Variants in RFX7 observed in about 807,000 individuals in gnomAD.
RFX7 encodes regulatory factor X7, also known as DNA-binding protein RFX7.
In RFX7, 26 loss-of-function variants were observed where a neutral mutation model predicts 111.8. The ratio of observed to expected loss-of-function variants is 0.23; its 90% confidence interval spans 0.17 to 0.32. RFX7 has a LOEUF of 0.32. Ranked by LOEUF, RFX7 falls within the 10% of genes least tolerant of loss-of-function variation. The pLI is 1.00. For missense variants in RFX7, 1,573 were observed against 1,772.9 expected, an observed-to-expected ratio of 0.89 and a Z score of 2.02; for synonymous variants, 624 against 624.4, an observed-to-expected ratio of 1.00 and a Z score of 0.01.
chr15:56,203,545 C>T (rs1250339179), intron 2 of RFX7, among the ~76,000 whole-genome samples: 1 of 152,130 alleles, frequency 6.6e-6, no homozygotes, highest in African/African-American at 2.4e-5. Flanking sequence ...GGGCTGCATT[C>T]CCAGACATTA....
intron 5 of RFX7, among the ~76,000 whole-genome samples, chr15:56,106,956 A>G (rs1309136552): frequency 2.0e-5 from 3 of 152,148 alleles, no homozygotes; most frequent in Non-Finnish European, 1.5e-5. Flanking sequence ...CAAGACTCAA[A>G]AAAGGGTGAG....
chr15:56,206,715 G>A (rs1234173283), intron 2 of RFX7, among the ~76,000 whole-genome samples: 25 of 151,704 alleles, frequency 1.6e-4, no homozygotes, highest in African/African-American at 6.1e-4. Context: ...GGAACTAGAG[G>A]TCATTATTTT....
At position 56,095,906 on chromosome 15, in the gene RFX7, C is replaced by T. The variant is rs1422624570; in HGVS notation, c.1822G>A (p.Glu608Lys). ...CCTGTTGACGTGCCTGGCAGCATTT[C>T]ATTACAGCGACTTTTACATTTGGTC... Reference protein sequence around the residue: ...QRTKCKSRCNEMLPGTSTGNN... With the variant: ...QRTKCKSRCNKMLPGTSTGNN... The change falls in exon 10 of 10, where the codon GAA becomes AAA. Residue 608 changes from glutamate to lysine, a missense_variant. Coordinates refer to ENST00000559447, the MANE Select transcript of RFX7 (RefSeq NM_022841.7). 6.2e-7 allele frequency: 1 copy of T among 1,605,388 alleles called. No individual in the cohort carries two copies. The highest frequency in any genetic ancestry group is 8.5e-7 in the Non-Finnish European group (1 of 1,179,810).
chr15:56,124,621 A>G (rs958491642), intron 5 of RFX7, among the ~76,000 whole-genome samples: 1 of 152,058 alleles, frequency 6.6e-6, no homozygotes, highest in Admixed American at 6.5e-5. Context: ...GATGTTGAGC[A>G]TTTTTCCACG....
chr15:56,150,097 T>C (rs910875109), intron 3 of RFX7, among the ~76,000 whole-genome samples: 20 of 152,228 alleles, frequency 1.3e-4, no homozygotes, highest in African/African-American at 4.8e-4. Flanking sequence ...AGCCACAGGA[T>C]AAACAAAGCT....
intron 3 of RFX7, among the ~76,000 whole-genome samples, chr15:56,152,742 C>CA (rs878893842): frequency 0.04 from 4,712 of 116,602 alleles, 254 homozygotes; most frequent in African/African-American, 0.14. Context: ...AAAAACCCTT[C>CA]AAAAAAAAAA....
intron 2 of RFX7, among the ~76,000 whole-genome samples, chr15:56,230,657 C>T (rs1228004333): frequency 2.0e-5 from 3 of 152,234 alleles, no homozygotes; most frequent in Non-Finnish European, 4.4e-5. Flanking sequence ...TTTATTAGAA[C>T]AGCACTGGAA....
Position 56,162,448 on chromosome 15 carries a change from A to T in RFX7, c.195+16822T>A, listed in dbSNP as rs572079991. ...ATTATGTCATTCTTTGAATATAAAC[A>T]TATTAATGAAAATTGCATTTCTTTC... On this transcript the variant is annotated intron_variant, in intron 3 of 9. Transcript: ENST00000559447. Among the ~76,000 whole-genome samples, 7 of 152,244 alleles carry T rather than the reference A, an allele frequency of 4.6e-5. No individual in the cohort carries two copies. In the East Asian group the frequency reaches 1.2e-3, roughly 25 times the overall value.
At chr15:56,128,743 A>G (rs2042176360) in intron 5 of RFX7, among the ~76,000 whole-genome samples, 1 of 152,174 alleles carries the variant, frequency 6.6e-6, no homozygotes, top group Non-Finnish European at 1.5e-5. Flanking sequence ...ATGAGAAGAC[A>G]TCCAGATTAG....
chr15:56,202,940 G>C (rs920727234), intron 2 of RFX7, among the ~76,000 whole-genome samples: 2 of 152,204 alleles, frequency 1.3e-5, no homozygotes, highest in African/African-American at 2.4e-5. Context: ...TGGGTAGAGT[G>C]CCATCAATCA....
chr15:56,204,835 T>G (rs2043234457), intron 2 of RFX7, among the ~76,000 whole-genome samples: 1 of 152,194 alleles, frequency 6.6e-6, no homozygotes, highest in African/African-American at 2.4e-5. Flanking sequence ...CACCTTACTC[T>G]AAACCTGCTA....
chr15:56,135,063 T>C (rs1365715617), intron 5 of RFX7, among the ~76,000 whole-genome samples: 13 of 152,318 alleles, frequency 8.5e-5, no homozygotes, highest in South Asian at 6.2e-4. Context: ...TGAATAATGC[T>C]GCAATAAACA....
At chr15:56,207,524 G>A (rs1167924431) in intron 2 of RFX7, among the ~76,000 whole-genome samples, 1 of 151,956 alleles carries the variant, frequency 6.6e-6, no homozygotes, top group African/African-American at 2.4e-5. Flanking sequence ...AACTCAAAAT[G>A]GATCACAGAC....
chr15:56,243,040 G>GCGGCCCCCC, intron 2 of RFX7, 85 bp downstream of exon 2: 1 of 570,718 alleles, frequency 1.8e-6, no homozygotes, highest in Non-Finnish European at 3.1e-6. Context: ...CTCCTCCTCC[G>GCGGCCCCCC]CTCCCCCCGC....
intron 3 of RFX7, among the ~76,000 whole-genome samples, chr15:56,159,133 T>C (rs1595976344): frequency 1.3e-5 from 2 of 152,246 alleles, no homozygotes; most frequent in African/African-American, 4.8e-5. Flanking sequence ...CTTAGTATAA[T>C]GCCTTCTAGG....
chr15:56,215,024 T>C (rs564794443), intron 2 of RFX7, among the ~76,000 whole-genome samples: 1 of 152,350 alleles, frequency 6.6e-6, no homozygotes, highest in Non-Finnish European at 1.5e-5. Context: ...TACAACTTTT[T>C]CACTAATACG....
At chr15:56,239,251 C>T (rs2043659739) in intron 2 of RFX7, among the ~76,000 whole-genome samples, 1 of 152,034 alleles carries the variant, frequency 6.6e-6, no homozygotes, top group Non-Finnish European at 1.5e-5. Context: ...ACCTTATACA[C>T]ATAACCTGAA....
At chr15:56,139,404 G>A (rs938120135) in intron 5 of RFX7, among the ~76,000 whole-genome samples, 8 of 152,012 alleles carry the variant, frequency 5.3e-5, no homozygotes, top group Admixed American at 6.5e-5. Context: ...CCAGTTGATC[G>A]CATCGGCTCC....
At chr15:56,159,134 G>A (rs1248617433) in intron 3 of RFX7, among the ~76,000 whole-genome samples, 1 of 152,156 alleles carries the variant, frequency 6.6e-6, no homozygotes, top group East Asian at 1.9e-4. Flanking sequence ...TTAGTATAAT[G>A]CCTTCTAGGT....
Sources: allele counts gnomAD v4.1 joint callset (sites outside exome capture counted in the v4.1 genomes callset), GRCh38; gene constraint gnomAD v4.1.1; transcripts MANE v1.5; gene names NCBI Gene and HGNC (gene_info 2026-07-23, HGNC 2026-07-21).